NFASC: variants seen among roughly 807,000 people sequenced by gnomAD.
NFASC encodes the protein neurofascin homolog.
Under a neutral mutation model 147.5 loss-of-function variants are expected in NFASC, and 43 were observed. The observed-to-expected ratio is 0.29, with a 90% CI of 0.23 to 0.38. NFASC has a LOEUF of 0.38. Among genes scored for constraint, NFASC ranks in the 10% least tolerant of loss-of-function variants. The pLI is 1.00. For synonymous variants in NFASC, 622 were observed against 665.5 expected, an observed-to-expected ratio of 0.93 and a Z score of 1.01; for missense variants, 1,320 against 1,689.0, an observed-to-expected ratio of 0.78 and a Z score of 3.83.
chr1:205,004,192 C>A (rs1329450255), intron 27 of NFASC, among the ~76,000 whole-genome samples: 3 of 152,236 alleles, frequency 2.0e-5, no homozygotes, highest in African/African-American at 7.2e-5. Context: ...AATAGAGTTC[C>A]ATCCTAGGGA....
At position 205,001,250 on chromosome 1, in the gene NFASC, G is replaced by A. The variant is rs561269545; in HGVS notation, c.3100G>A (p.Gly1034Arg). 4.2e-5 allele frequency: 68 copies of A among 1,612,286 alleles called. No individual in the cohort carries two copies. The highest frequency in any genetic ancestry group is 8.4e-5 in the Admixed American group (5 of 59,856). The change falls in exon 26 of 30, where the codon GGG becomes AGG. Residue 1034 changes from glycine to arginine, a missense_variant. Around this residue, in one of 3 missense-constraint regions of NFASC, gnomAD observed 172 missense variants for 165.8 expected, o/e 1.04. Transcript: ENST00000339876. Reference protein sequence around the residue: ...WANITWKHNFGPGTDFVVEYI... With the variant: ...WANITWKHNFRPGTDFVVEYI... The stretch of plus-strand genomic sequence containing the variant: ...CAACATCACCTGGAAGCACAATTTC[G>A]GGCCCGGAACTGACTTTGTGGTTGA...
At position 204,954,911 on chromosome 1, in the gene NFASC, G is replaced by C. The variant is rs77635708; in HGVS notation, c.495G>C (p.Pro165=). ...GAPLTLQCNP[P]PGLPSPVIFW... is the part of the protein sequence containing the mutation. ...CTTTGACGCTCCAGTGCAACCCCCCGCCTGGACTTCCATCCCCGGTCATCT... is the reference window on the plus strand; with the variant it reads ...CTTTGACGCTCCAGTGCAACCCCCCCCCTGGACTTCCATCCCCGGTCATCT... Residue 165 remains proline (P), a synonymous_variant, in exon 7 of 30, where the codon CCG becomes CCC. Coordinates refer to ENST00000339876, the MANE Select transcript of NFASC (RefSeq NM_001005388.3). This position sits in a 1 kb window ranked among gnomAD's most constrained non-coding sequence, Gnocchi z 5.7. 6.2e-7 allele frequency: 1 copy of C among 1,614,020 alleles called. No homozygotes were observed. The highest frequency in any genetic ancestry group is 2.2e-5 in the East Asian group (1 of 44,876).
At chr1:204,970,074 CAAAAAAAAAAA>C (rs11307141) in intron 10 of NFASC, among the ~76,000 whole-genome samples, 2 of 65,458 alleles carry the variant, frequency 3.1e-5, no homozygotes, top group Non-Finnish European at 5.5e-5. Context: ...GACTCCATCT[CAAAAAAAAAAA>C]AAAAAAAAAA....
intron 2 of NFASC, among the ~76,000 whole-genome samples, chr1:204,943,661 C>A (rs1332573076): frequency 2.0e-5 from 3 of 152,182 alleles, no homozygotes; most frequent in Non-Finnish European, 4.4e-5. Flanking sequence ...CACCCTGCCC[C>A]CTTCGTCCTG....
At chr1:204,856,645 C>A (rs1387747926) in intron 1 of NFASC, among the ~76,000 whole-genome samples, 3 of 152,138 alleles carry the variant, frequency 2.0e-5, no homozygotes, top group African/African-American at 7.2e-5. Flanking sequence ...CAGAAGATCA[C>A]CCCATACCCA....
At chr1:204,873,786 G>C (rs902203593) in intron 1 of NFASC, among the ~76,000 whole-genome samples, 1 of 152,186 alleles carries the variant, frequency 6.6e-6, no homozygotes, top group Non-Finnish European at 1.5e-5. Context: ...GGCTGCTGTA[G>C]CTTTTACTTC....
intron 1 of NFASC, among the ~76,000 whole-genome samples, chr1:204,920,349 A>G (rs2090179484): frequency 1.3e-5 from 2 of 151,906 alleles, no homozygotes; most frequent in African/African-American, 4.8e-5. Context: ...ATAGGGAATC[A>G]GCAATTAGAC....
At chr1:204,913,419 A>G (rs2088227655) in intron 1 of NFASC, among the ~76,000 whole-genome samples, 1 of 152,242 alleles carries the variant, frequency 6.6e-6, no homozygotes. Context: ...ACTCGATTAT[A>G]AAACTACAGT....
At chr1:204,858,209 C>G (rs1018105343) in intron 1 of NFASC, among the ~76,000 whole-genome samples, 1 of 152,048 alleles carries the variant, frequency 6.6e-6, no homozygotes, top group Non-Finnish European at 1.5e-5. Context: ...TGTGAGCCAC[C>G]GAGGCTGGCC....
chr1:204,990,454 A>G (rs899659898), intron 23 of NFASC: 1 of 151,762 alleles, frequency 6.6e-6, no homozygotes, highest in African/African-American at 2.4e-5. Context: ...CCCAGTAACC[A>G]CCACAGAGAA....
At chr1:204,868,360 G>A (rs555229109) in intron 1 of NFASC, among the ~76,000 whole-genome samples, 1 of 152,288 alleles carries the variant, frequency 6.6e-6, no homozygotes, top group South Asian at 2.1e-4. Flanking sequence ...GTAAGCCTTG[G>A]GGAATCGGAG....
At chr1:204,980,174 T>C (rs61301670) in intron 19 of NFASC, among the ~76,000 whole-genome samples, 196 bp from the exon 20 acceptor site, 2 of 152,252 alleles carry the variant, frequency 1.3e-5, no homozygotes, top group African/African-American at 4.8e-5. Flanking sequence ...AGCCCTGCTC[T>C]GGGAGTTTAA....
At chr1:204,837,549 G>C (rs1046594029) in intron 1 of NFASC, among the ~76,000 whole-genome samples, 1 of 152,228 alleles carries the variant, frequency 6.6e-6, no homozygotes, top group Non-Finnish European at 1.5e-5. Flanking sequence ...TGTGGTGTTA[G>C]AAGAAGTGGG....
chr1:204,906,454 A>G (rs1218103047), intron 1 of NFASC, among the ~76,000 whole-genome samples: 1 of 152,170 alleles, frequency 6.6e-6, no homozygotes, highest in East Asian at 1.9e-4. Context: ...TATAAATGAG[A>G]TCCTACAGTA....
chr1:204,882,126 T>C (rs1284802943), intron 1 of NFASC, among the ~76,000 whole-genome samples: 1 of 152,216 alleles, frequency 6.6e-6, no homozygotes, highest in South Asian at 2.1e-4. Context: ...ATTGCAGTGC[T>C]CCCTGCACCT....
chr1:204,944,125 G>A (rs2149793846), intron 2 of NFASC, 101 bp from the exon 3 acceptor site: 2 of 1,017,054 alleles, frequency 2.0e-6, no homozygotes, highest in Non-Finnish European at 2.9e-6. Flanking sequence ...ACATTACTCT[G>A]TGACCAAGGG....
intron 2 of NFASC, among the ~76,000 whole-genome samples, chr1:204,938,291 A>T (rs2093049545): frequency 6.6e-6 from 1 of 152,158 alleles, no homozygotes; most frequent in Non-Finnish European, 1.5e-5. Context: ...TACTACTCAT[A>T]TTGGTCATGT....
intron 1 of NFASC, among the ~76,000 whole-genome samples, chr1:204,918,584 CT>C (rs71147720): frequency 0.011 from 1,411 of 124,770 alleles, 9 homozygotes; most frequent in Admixed American, 0.019. Flanking sequence ...TTCTTTGAAA[CT>C]TTTTTTTTTT....
intron 24 of NFASC, chr1:204,993,780 A>G (rs1192043478): frequency 1.9e-6 from 1 of 518,018 alleles, no homozygotes; most frequent in Non-Finnish European, 3.9e-6. Context: ...GTGTCTGCCC[A>G]GCCTGGTGCT....
Sources: allele counts gnomAD v4.1 joint callset (sites outside exome capture counted in the v4.1 genomes callset), GRCh38; gene constraint gnomAD v4.1.1; regional missense constraint gnomAD v4.1.1; non-coding constraint Gnocchi (gnomAD v3.1); transcripts MANE v1.5; gene names NCBI Gene and HGNC (gene_info 2026-07-23, HGNC 2026-07-21).